The following INTS1 variants were observed in gnomAD, a reference collection of about 807,000 sequenced individuals.
The protein encoded by INTS1 is integrator complex subunit 1.
A neutral mutation model predicts 241.6 loss-of-function variants in INTS1; 137 were observed. The observed-to-expected ratio is 0.57, with a 90% CI of 0.49 to 0.65. The LOEUF (loss-of-function observed/expected upper bound fraction) is 0.65, where lower values mean the gene tolerates loss of function less well. INTS1 is among the 30% of genes least tolerant of loss of function. The pLI, the probability that INTS1 is intolerant of heterozygous loss-of-function variation, is 0.00. For missense variants in INTS1, 3,073 were observed against 3,032.2 expected, an observed-to-expected ratio of 1.01 and a Z score of -0.32; for synonymous variants, 1,692 against 1,337.8, an observed-to-expected ratio of 1.26 and a Z score of -5.78.
Position 1,504,011 on chromosome 7 carries a change from A to C in INTS1, c.-41-10T>G. 4 of 1,380,482 alleles carry C rather than the reference A, an allele frequency of 2.9e-6. No individual in the cohort carries two copies. The highest frequency in any genetic ancestry group is 4.0e-6 in the Non-Finnish European group (4 of 1,004,570). 85.5% of individuals were successfully genotyped at this position (1,380,482 alleles called of 1,614,324 possible). ...GCGGCTGCGGCGTCACCTGCGGAGG[A>C]GCCAGCGTGCGGTCATTCCTTCACT... On this transcript the variant is annotated splice_polypyrimidine_tract_variant and intron_variant, in intron 1 of 47. Coordinates refer to ENST00000404767, the MANE Select transcript of INTS1 (RefSeq NM_001080453.3).
intron 22 of INTS1, among the ~76,000 whole-genome samples, chr7:1,485,832 G>C (rs912351242): frequency 2.6e-5 from 4 of 152,190 alleles, no homozygotes; most frequent in African/African-American, 4.8e-5. Context: ...TTTTAAGACA[G>C]GGTCTCATTC....
chr7:1,499,610 C>T lies in INTS1; in HGVS notation c.707G>A (p.Gly236Glu). 6.2e-7 allele frequency: 1 copy of T among 1,612,418 alleles called. No individual in the cohort carries two copies. Among genetic ancestry groups the T allele is most frequent in the Non-Finnish European group, 8.5e-7 (1 of 1,179,134 alleles). The change falls in exon 6 of 48, where the codon GGG becomes GAG. Residue 236 changes from glycine to glutamate, a missense_variant. Coordinates refer to ENST00000404767, the MANE Select transcript of INTS1 (RefSeq NM_001080453.3). ...FVKVYIEDSL[G>E]ERIWVDSPHC... ...AGGGCTGTCCACCCAGATCCGCTCC[C>T]CCAGGGAGTCCTCGATGTACACCTG... is the stretch of plus-strand genomic sequence containing the variant.
At chr7:1,495,981 C>G (rs1012308041) in intron 12 of INTS1, among the ~76,000 whole-genome samples, 175 bp downstream of exon 12, 18 of 152,186 alleles carry the variant, frequency 1.2e-4, no homozygotes, top group African/African-American at 4.1e-4. Flanking sequence ...GGGGTGAGGC[C>G]CGGATGGACA....
chr7:1,472,961 G>T (rs1215885453), intron 43 of INTS1, 111 bp downstream of exon 43: 3 of 650,136 alleles, frequency 4.6e-6, no homozygotes, highest in Non-Finnish European at 7.7e-6. Context: ...GGCTCACACA[G>T]CCCCCATCGG....
chr7:1,501,106 G>A (rs1277213369), intron 3 of INTS1: 3 of 151,948 alleles, frequency 2.0e-5, no homozygotes, highest in East Asian at 3.9e-4. Flanking sequence ...CCAATACAGT[G>A]AAACCCTGTC....
chr7:1,494,731 C>T, intron 14 of INTS1, 85 bp downstream of exon 14: 5 of 1,352,620 alleles, frequency 3.7e-6, no homozygotes, highest in Non-Finnish European at 5.1e-6. Context: ...CCAACTCCCA[C>T]TGGCCCTTCC....
At position 1,497,099 on chromosome 7, in the gene INTS1, G is replaced by C; in HGVS notation, c.1602+39C>G. The C allele has an allele frequency of 6.4e-7, 1 of 1,559,430 alleles. No homozygotes were observed. The highest frequency in any genetic ancestry group is 1.2e-5 in the South Asian group (1 of 84,644). ...AGGGGGATGGCGGCGCGTGGAACCC[G>C]CAGTGAGGGAAAGGCGCCCCAGCGG... On this transcript the variant is annotated intron_variant, in intron 11 of 47. Transcript: ENST00000404767. The surrounding 1 kb of genome is among the most constrained non-coding windows in gnomAD (Gnocchi z 5.3).
Position 1,480,311 on chromosome 7 carries a change from C to T in INTS1, c.4074+6G>A, listed in dbSNP as rs746516032. 9 of 1,603,218 alleles carry T rather than the reference C, an allele frequency of 5.6e-6. No individual in the cohort carries two copies. The highest frequency in any genetic ancestry group is 6.0e-6 in the Non-Finnish European group (7 of 1,174,782). ...GGTGGAGACCCACATGCAGCAGCAA[C>T]GCTACCTGGAGGAACATGCCAGCCA... is the stretch of plus-strand genomic sequence containing the variant. On this transcript the variant is annotated splice_donor_region_variant and intron_variant, in intron 30 of 47. Coordinates refer to ENST00000404767, the MANE Select transcript of INTS1 (RefSeq NM_001080453.3).
intron 19 of INTS1, 77 bp from the exon 20 acceptor site, chr7:1,487,526 T>C: frequency 6.6e-7 from 1 of 1,509,816 alleles, no homozygotes; most frequent in Non-Finnish European, 8.9e-7. Context: ...CTCCCATCCC[T>C]GCTTCGAGGG....
intron 16 of INTS1, among the ~76,000 whole-genome samples, chr7:1,491,845 C>CAA (rs1782563968): frequency 6.6e-6 from 1 of 152,230 alleles, no homozygotes; most frequent in Admixed American, 6.5e-5. Context: ...CTGCAGTGAA[C>CAA]CGTTGATTGT....
Position 1,487,089 on chromosome 7 carries a change from A to G in INTS1, c.2659T>C (p.Ser887Pro). 1 of 1,549,540 alleles carries G rather than the reference A, an allele frequency of 6.5e-7. No individual in the cohort carries two copies. Among genetic ancestry groups the G allele is most frequent in the Non-Finnish European group, 8.7e-7 (1 of 1,151,396 alleles). ...HIIQRQASSQ[S>P]MPWLADLVQS... ...ACCAGGTCCGCCAGCCAGGGCATGGACTGCGAGGAGGCCTGGGCAGGCGAC... is the reference window on the plus strand; with the variant it reads ...ACCAGGTCCGCCAGCCAGGGCATGGGCTGCGAGGAGGCCTGGGCAGGCGAC... The change falls in exon 21 of 48, where the codon TCC becomes CCC. Residue 887 changes from serine to proline, a missense_variant. Ser to Pro is a moderately conservative substitution (Grantham distance 74, BLOSUM62 -1). Coordinates refer to ENST00000404767, the MANE Select transcript of INTS1 (RefSeq NM_001080453.3).
At position 1,473,123 on chromosome 7, in the gene INTS1, G is replaced by C; in HGVS notation, c.6019C>G (p.Leu2007Val). ...TCGGTCCTGTCGTCCCTGCTGGGCA[G>C]GCTGAGCCCTGCAAGGAGGGATTTC... ...MLKSLLAGLS[L>V]PSRDDRTDRG... The change falls in exon 43 of 48, where the codon CTG (leucine) becomes GTG (valine). Residue 2007 changes from leucine to valine, a missense_variant. Coordinates refer to ENST00000404767, the MANE Select transcript of INTS1 (RefSeq NM_001080453.3). The C allele has an allele frequency of 6.2e-7, 1 of 1,612,190 alleles. No homozygotes were observed. Among genetic ancestry groups the C allele is most frequent in the African/African-American group, 1.3e-5 (1 of 75,062 alleles).
At chr7:1,492,859 G>A (rs1387707715) in intron 16 of INTS1, 151 bp downstream of exon 16, 69 of 532,204 alleles carry the variant, frequency 1.3e-4, no homozygotes, top group Non-Finnish European at 1.9e-4. Flanking sequence ...AGTGGGGAGC[G>A]GGGCGCGGGC....
chr7:1,478,672 G>A, intron 32 of INTS1, 54 bp downstream of exon 32: 1 of 1,502,448 alleles, frequency 6.7e-7, no homozygotes, highest in South Asian at 1.3e-5. Flanking sequence ...GCCACTCTGA[G>A]TGAGCCCCTG....
At chr7:1,483,703 G>A in intron 26 of INTS1, 39 bp downstream of exon 26, 1 of 1,525,412 alleles carries the variant, frequency 6.6e-7, no homozygotes, top group Non-Finnish European at 9.0e-7. Context: ...TGGCCCACCT[G>A]GCACGAAGCT....
At position 1,494,834 on chromosome 7, in the gene INTS1, G is replaced by A; in HGVS notation, c.1892C>T (p.Pro631Leu). The change falls in exon 14 of 48, where the codon CCA becomes CTA. Residue 631 changes from proline (P) to leucine (L), a missense_variant. Physicochemically the swap from Pro to Leu is moderately conservative, Grantham distance 98. Transcript: ENST00000404767. Reference protein sequence around the residue: ...PETYYKWDNWPPESDRNFFLR... With the variant: ...PETYYKWDNWLPESDRNFFLR... The stretch of plus-strand genomic sequence containing the variant: ...CACTCACTTGCGGTCACTCTCGGGT[G>A]GCCAGTTGTCCCACTTGTAGTAGGT... 1 of 1,567,416 alleles carries A rather than the reference G, an allele frequency of 6.4e-7. No homozygotes were observed. The highest frequency in any genetic ancestry group is 8.6e-7 in the Non-Finnish European group (1 of 1,156,842).
chr7:1,479,955 G>A (rs777684507), intron 30 of INTS1, among the ~76,000 whole-genome samples: 28 of 152,236 alleles, frequency 1.8e-4, no homozygotes, highest in Non-Finnish European at 2.9e-4. Flanking sequence ...ATCAGGAGGT[G>A]GTGAGGCCTG....
At chr7:1,472,580 C>A (rs1043511221) in intron 43 of INTS1, among the ~76,000 whole-genome samples, 194 bp from the exon 44 acceptor site, 3 of 152,310 alleles carry the variant, frequency 2.0e-5, no homozygotes, top group East Asian at 3.9e-4. Context: ...TGCACCTCTG[C>A]GAGTCTCTCC....
intron 30 of INTS1, among the ~76,000 whole-genome samples, chr7:1,479,929 GACC>G (rs1272482518): frequency 6.6e-6 from 1 of 152,182 alleles, no homozygotes. Context: ...CCTGCCCAGG[GACC>G]ACCAGGCTCT....
Sources: gnomAD v4.1 joint callset for allele counts (sites outside exome capture counted in the v4.1 genomes callset) on GRCh38, gnomAD v4.1.1 for gene constraint, Gnocchi (gnomAD v3.1) non-coding constraint, MANE v1.5 for transcripts, NCBI Gene and HGNC (gene_info 2026-07-23, HGNC 2026-07-21) for gene names.